Variants in PRDM15 observed in about 807,000 individuals in gnomAD.
The protein encoded by PRDM15 is PR/SET domain 15.
PRDM15 carries 64 observed loss-of-function variants against 128.6 expected under a neutral mutation model. That is an observed-to-expected ratio of 0.50 (90% CI 0.41 to 0.61). PRDM15 has a LOEUF of 0.61. Among genes scored for constraint, PRDM15 ranks in the 20% least tolerant of loss-of-function variants. The pLI is 0.00. For synonymous variants in PRDM15, 615 were observed against 621.8 expected (o/e 0.99, Z 0.16); for missense variants, 1,242 against 1,569.1 (o/e 0.79, Z 3.52).
chr21:41,826,137 C>T (rs932752800), intron 12 of PRDM15, 83 bp from the exon 13 acceptor site: 3 of 1,180,856 alleles, frequency 2.5e-6, no homozygotes, highest in East Asian at 2.4e-5. Context: ...CAGCCAGCAT[C>T]CTTTCCAGCG....
At chr21:41,826,401 C>G (rs1052036009) in intron 12 of PRDM15, among the ~76,000 whole-genome samples, 1 of 152,194 alleles carries the variant, frequency 6.6e-6, no homozygotes, top group Non-Finnish European at 1.5e-5. Context: ...GAAGGCACTT[C>G]TAACTCCATC....
intron 1 of PRDM15, chr21:41,871,446 G>T: frequency 6.7e-7 from 1 of 1,488,974 alleles, no homozygotes. Context: ...GCCACAGGCT[G>T]TCCCTGTCTG....
intron 14 of PRDM15, 144 bp downstream of exon 14, chr21:41,823,174 G>T: frequency 9.4e-7 from 1 of 1,068,488 alleles, no homozygotes; most frequent in Non-Finnish European, 1.4e-6. Context: ...GGGGCTTTGG[G>T]GTCTAGCCTC....
Position 41,860,321 on chromosome 21 carries a change from A to T in PRDM15, c.37+6T>A. Reference sequence around the variant, plus strand: ...CGGACCTGGGACAGGTCCCTGGGTCACTTACAGATGAACATGATCTCTTCG... The same window carrying T: ...CGGACCTGGGACAGGTCCCTGGGTCTCTTACAGATGAACATGATCTCTTCG... On this transcript the variant is annotated splice_donor_region_variant and intron_variant, in intron 2 of 23. Transcript: ENST00000398548. 6.2e-7 allele frequency: 1 copy of T among 1,613,176 alleles called. No individual in the cohort carries two copies. Among genetic ancestry groups the T allele is most frequent in the Non-Finnish European group, 8.5e-7 (1 of 1,179,128 alleles).
In PRDM15 at chr21:41,800,527, T is replaced by C. The variant is rs2061391233; in HGVS notation, c.*713A>G. 6.6e-6 allele frequency: 1 copy of C among 151,918 alleles called. No individual in the cohort carries two copies. Among genetic ancestry groups the C allele is most frequent in the Admixed American group, 6.6e-5 (1 of 15,260 alleles). 9.4% of individuals were successfully genotyped at this position (151,918 alleles called of 1,614,324 possible). ...GTTAAAAAAAAAAAAGGAAAAAAACTCTATTGGAAATCGATTCATGGATAT... is the reference window on the plus strand; with the variant it reads ...GTTAAAAAAAAAAAAGGAAAAAAACCCTATTGGAAATCGATTCATGGATAT... On this transcript the variant is annotated 3_prime_UTR_variant, in exon 24 of 24. Coordinates refer to ENST00000398548, the MANE Select transcript of PRDM15 (RefSeq NM_001040424.3).
intron 1 of PRDM15, chr21:41,867,334 C>A: frequency 6.2e-7 from 1 of 1,613,818 alleles, no homozygotes; most frequent in Non-Finnish European, 8.5e-7. Flanking sequence ...GGGCTGGGGG[C>A]AGATTTTCCT....
intron 6 of PRDM15, among the ~76,000 whole-genome samples, chr21:41,842,540 G>A (rs1336759616): frequency 6.6e-6 from 1 of 152,034 alleles, no homozygotes; most frequent in Non-Finnish European, 1.5e-5. Context: ...TTGCCAGGCT[G>A]GAGTGCAGTG....
At position 41,862,367 on chromosome 21, in the gene PRDM15, CCT is replaced by C. The variant is rs1254864519; in HGVS notation, c.-9-1997_-9-1996del. On this transcript the variant is annotated intron_variant, in intron 1 of 23. Transcript: ENST00000398548. The surrounding 1 kb of genome is among the most constrained non-coding windows in gnomAD (Gnocchi z 4.1). Reference sequence around the variant, plus strand: ...CTTACTTGGGAGCCTGCACGAATCCCCTGAGGCCTTGTGTGGCCGCCTCTCCC... The same window carrying C: ...CTTACTTGGGAGCCTGCACGAATCCCGAGGCCTTGTGTGGCCGCCTCTCCC... Among the ~76,000 whole-genome samples the C allele has an allele frequency of 3.9e-5, 6 of 152,142 alleles. No individual in the cohort carries two copies. Among genetic ancestry groups the C allele is most frequent in the Admixed American group, 3.9e-4 (6 of 15,282 alleles).
At chr21:41,869,697 C>T (rs149765051) in intron 1 of PRDM15, among the ~76,000 whole-genome samples, 13 of 152,300 alleles carry the variant, frequency 8.5e-5, no homozygotes, top group East Asian at 5.8e-4. Flanking sequence ...TTATCCACCT[C>T]GGCCTCCCAA....
intron 1 of PRDM15, chr21:41,878,767 C>T (rs1208674241): frequency 2.0e-6 from 3 of 1,481,062 alleles, no homozygotes; most frequent in African/African-American, 1.5e-5. Context: ...GGGCTGTACC[C>T]GAGGGCGGGG....
At chr21:41,819,845 C>T (rs377338784) in intron 17 of PRDM15, 144 bp from the exon 18 acceptor site, 3 of 1,046,138 alleles carry the variant, frequency 2.9e-6, no homozygotes, top group Non-Finnish European at 1.4e-6. Context: ...TCAGCGGCCT[C>T]CACAGAGCCC....
chr21:41,846,778 A>G (rs1011377436), intron 6 of PRDM15, among the ~76,000 whole-genome samples: 4 of 152,362 alleles, frequency 2.6e-5, no homozygotes, highest in African/African-American at 9.6e-5. Context: ...AGAGTGCACA[A>G]CACATGCCAC....
At chr21:41,830,361 A>C in intron 11 of PRDM15, among the ~76,000 whole-genome samples, 1 of 148,030 alleles carries the variant, frequency 6.8e-6, no homozygotes, top group Non-Finnish European at 1.5e-5. Context: ...TACACACACA[A>C]CATACAAACA....
rs73219066 is a variant in PRDM15, at chr21:41,835,850, C to T, written c.1278+263G>A. On this transcript the variant is annotated intron_variant, in intron 10 of 23. Transcript: ENST00000398548. Reference sequence around the variant, plus strand: ...CGCCAGGACACCCACAGCCTTCACCCGCTCTCATCCCTCCTGGGACTCTCC... The same window carrying T: ...CGCCAGGACACCCACAGCCTTCACCTGCTCTCATCCCTCCTGGGACTCTCC... 0.011 allele frequency among the ~76,000 whole-genome samples: 718 copies of T among 63,494 alleles called. 3 individuals carry two copies. Among genetic ancestry groups the T allele is most frequent in the South Asian group, 0.025 (51 of 2,042 alleles). 41.7% of individuals were successfully genotyped at this position (63,494 alleles called of 152,430 possible).
Position 41,857,175 on chromosome 21 carries a change from C to T in PRDM15, c.285+1G>A. On this transcript the variant is annotated splice_donor_variant, in intron 4 of 23. Transcript: ENST00000398548. LOFTEE classifies it high-confidence loss of function. ...AGCTCCTGTTTGGCAACAGCCTTTA[C>T]CTTCAGGGGAAATGCAGACTCCTTT... 1 of 1,607,288 alleles carries T rather than the reference C, an allele frequency of 6.2e-7. No individual in the cohort carries two copies. Among genetic ancestry groups the T allele is most frequent in the Non-Finnish European group, 8.5e-7 (1 of 1,175,182 alleles).
At chr21:41,820,706 A>T (rs144142395) in intron 16 of PRDM15, among the ~76,000 whole-genome samples, 16 of 152,342 alleles carry the variant, frequency 1.1e-4, no homozygotes, top group South Asian at 6.2e-4. Flanking sequence ...TTAGTCACTC[A>T]CTCAGCAGAC....
intron 5 of PRDM15, among the ~76,000 whole-genome samples, chr21:41,848,229 T>A (rs982633485): frequency 6.6e-6 from 1 of 152,242 alleles, no homozygotes; most frequent in East Asian, 1.9e-4. Flanking sequence ...AAAAAACATG[T>A]ATCTTTTCAT....
intron 5 of PRDM15, among the ~76,000 whole-genome samples, chr21:41,850,162 T>C (rs185953958): frequency 4.9e-4 from 75 of 152,358 alleles, no homozygotes; most frequent in Non-Finnish European, 9.0e-4. Flanking sequence ...CTGGCTCTGA[T>C]TTCCATTCGT....
rs1335086230 is a variant in PRDM15 at position 41,854,454 on chromosome 21, G to T, written c.538+112C>A. ...CTCCACTCTCCGCATCCCAGCAGCTGGCCCAGCCCAACCCATCTCATCAGT... is the reference window on the plus strand; with the variant it reads ...CTCCACTCTCCGCATCCCAGCAGCTTGCCCAGCCCAACCCATCTCATCAGT... On this transcript the variant is annotated intron_variant, in intron 5 of 23. Transcript: ENST00000398548. The surrounding 1 kb of genome is among the most constrained non-coding windows in gnomAD (Gnocchi z 4.6). The T allele has an allele frequency of 1.5e-6, 2 of 1,370,244 alleles. No individual in the cohort carries two copies. Among genetic ancestry groups the T allele is most frequent in the Admixed American group, 2.2e-5 (1 of 46,080 alleles). 84.9% of individuals were successfully genotyped at this position (1,370,244 alleles called of 1,614,324 possible). A position where few individuals can be genotyped will look rare whatever the true frequency, so the allele number is the denominator to read the frequency against.
Sources: gnomAD v4.1 joint callset for allele counts (sites outside exome capture counted in the v4.1 genomes callset) on GRCh38, gnomAD v4.1.1 for gene constraint, Gnocchi (gnomAD v3.1) non-coding constraint, MANE v1.5 for transcripts, NCBI Gene and HGNC (gene_info 2026-07-23, HGNC 2026-07-21) for gene names.